PDE1C: variants seen among roughly 807,000 people sequenced by gnomAD.
PDE1C encodes the protein dual specificity calcium/calmodulin-dependent 3',5'-cyclic nucleotide phosphodiesterase 1C.
Under a neutral mutation model 93.1 loss-of-function variants are expected in PDE1C, and 62 were observed. That is an observed-to-expected ratio of 0.67 (90% CI 0.54 to 0.82). PDE1C has a LOEUF of 0.82. PDE1C is among the 40% of genes least tolerant of loss of function. The pLI is 0.00. For synonymous variants in PDE1C, 325 were observed against 310.1 expected, an observed-to-expected ratio of 1.05 and a Z score of -0.50; for missense variants, 742 against 884.6, an observed-to-expected ratio of 0.84 and a Z score of 2.04.
chr7:32,084,113 C>T (rs375977366), intron 3 of PDE1C, among the ~76,000 whole-genome samples: 1,671 of 152,128 alleles, frequency 0.011, 25 homozygotes, highest in African/African-American at 0.037. Flanking sequence ...ACCCATCTCA[C>T]GTGCAGAGAC....
chr7:32,133,909 A>G (rs1390584889), intron 3 of PDE1C, among the ~76,000 whole-genome samples: 5 of 152,054 alleles, frequency 3.3e-5, no homozygotes, highest in Admixed American at 3.3e-4. Flanking sequence ...ATGAAAAGAC[A>G]GGAAATTTCA....
intron 2 of PDE1C, among the ~76,000 whole-genome samples, chr7:31,898,242 T>C (rs1389167457): frequency 6.6e-6 from 1 of 152,160 alleles, no homozygotes; most frequent in African/African-American, 2.4e-5. Flanking sequence ...GAATCTATGG[T>C]TATTGTGGGA....
chr7:32,154,824 C>T (rs754451872), intron 3 of PDE1C, among the ~76,000 whole-genome samples: 8 of 152,214 alleles, frequency 5.3e-5, no homozygotes, highest in Non-Finnish European at 1.0e-4. Flanking sequence ...GAGAGGTCTT[C>T]GGAGGCAAAT....
intron 2 of PDE1C, among the ~76,000 whole-genome samples, chr7:31,886,845 G>GAATA (rs1562972565): frequency 9.9e-4 from 38 of 38,400 alleles, no homozygotes; most frequent in African/African-American, 3.2e-3. Flanking sequence ...AGATCTTTTC[G>GAATA]GATCTTTTCA....
intron 2 of PDE1C, among the ~76,000 whole-genome samples, chr7:32,020,283 G>T (rs982150801): frequency 1.3e-5 from 2 of 151,954 alleles, no homozygotes; most frequent in Non-Finnish European, 2.9e-5. Context: ...GACTTTCCTG[G>T]GCACTGGGAT....
intron 2 of PDE1C, among the ~76,000 whole-genome samples, chr7:31,904,952 A>G (rs1454977007): frequency 6.6e-6 from 1 of 152,124 alleles, no homozygotes; most frequent in African/African-American, 2.4e-5. Flanking sequence ...TAATTTTTAC[A>G]TTCTTTTATA....
At position 31,828,280 on chromosome 7, in the gene PDE1C, G is replaced by T; in HGVS notation, c.1285+12C>A. 1 of 1,607,722 alleles carries T rather than the reference G, an allele frequency of 6.2e-7. No homozygotes were observed. Among genetic ancestry groups the T allele is most frequent in the Non-Finnish European group, 8.5e-7 (1 of 1,174,818 alleles). On this transcript the variant is annotated intron_variant, in intron 12 of 17. Transcript: ENST00000396191. ...CTTTGGTGCTTCTATCCAAAGAGCT[G>T]CAAACACGTACCTACTTGTGACTGA... is the stretch of plus-strand genomic sequence containing the variant.
chr7:31,829,078 G>C (rs1371294799), intron 11 of PDE1C, among the ~76,000 whole-genome samples: 1 of 152,080 alleles, frequency 6.6e-6, no homozygotes, highest in Non-Finnish European at 1.5e-5. Flanking sequence ...CTTAATACTT[G>C]TCATACCCCC....
At chr7:31,866,778 G>A (rs768937382) in intron 6 of PDE1C, among the ~76,000 whole-genome samples, 128 of 152,102 alleles carry the variant, frequency 8.4e-4, no homozygotes, top group Admixed American at 2.6e-3. Context: ...TGGAATCCTG[G>A]AGAGGCTATC....
At chr7:31,648,450 G>T in the PDE1C span, among the ~76,000 whole-genome samples, 1 of 151,710 alleles carries the variant, frequency 6.6e-6, no homozygotes. Context: ...TTATTCTAGG[G>T]CTAAAATGTG....
At chr7:32,013,844 G>T (rs1456939103) in intron 2 of PDE1C, among the ~76,000 whole-genome samples, 2 of 152,210 alleles carry the variant, frequency 1.3e-5, no homozygotes, top group Non-Finnish European at 2.9e-5. Flanking sequence ...AATTAGATGG[G>T]AGGAAAGTCT....
the PDE1C span, among the ~76,000 whole-genome samples, chr7:31,663,663 A>G: frequency 6.6e-6 from 1 of 152,182 alleles, no homozygotes; most frequent in African/African-American, 2.4e-5. Flanking sequence ...AATTGTGCTT[A>G]GTGGAAAACA....
At chr7:32,298,395 C>A (rs1295551334) in intron 1 of PDE1C, among the ~76,000 whole-genome samples, 1 of 152,098 alleles carries the variant, frequency 6.6e-6, no homozygotes, top group East Asian at 1.9e-4. Flanking sequence ...CCGAGCAGTT[C>A]GGGGAGGTGT....
chr7:32,367,185 G>GAGTC (rs567329791), intron 1 of PDE1C, among the ~76,000 whole-genome samples: 3 of 152,238 alleles, frequency 2.0e-5, no homozygotes, highest in African/African-American at 7.2e-5. Flanking sequence ...ATGCTCAAGG[G>GAGTC]AGTCCTACAA....
intron 3 of PDE1C, among the ~76,000 whole-genome samples, chr7:32,139,193 T>C (rs1800374020): frequency 6.6e-6 from 1 of 151,708 alleles, no homozygotes; most frequent in Non-Finnish European, 1.5e-5. Flanking sequence ...TGGGGCACAA[T>C]GGCATGATCA....
intron 3 of PDE1C, among the ~76,000 whole-genome samples, chr7:32,148,101 T>A (rs1000787714): frequency 6.6e-6 from 1 of 151,842 alleles, no homozygotes; most frequent in African/African-American, 2.4e-5. Context: ...GTGGAATGAT[T>A]CTGTTCTCCC....
chr7:31,637,820 G>A, the PDE1C span, among the ~76,000 whole-genome samples: 6 of 152,204 alleles, frequency 3.9e-5, no homozygotes, highest in Non-Finnish European at 7.3e-5. Flanking sequence ...CCATGCCTAT[G>A]TCCTGAACAG....
chr7:31,699,927 C>A, the PDE1C span, among the ~76,000 whole-genome samples: 1 of 152,138 alleles, frequency 6.6e-6, no homozygotes, highest in Non-Finnish European at 1.5e-5. Flanking sequence ...TGTATGCGTT[C>A]TGTCTGTTCC....
the PDE1C span, chr7:31,652,893 A>C: frequency 1.9e-6 from 3 of 1,553,856 alleles, no homozygotes; most frequent in Non-Finnish European, 2.6e-6. Context: ...TAGCAAGGAA[A>C]TTTCAATTTT....
Sources: allele counts gnomAD v4.1 joint callset (sites outside exome capture counted in the v4.1 genomes callset), GRCh38; gene constraint gnomAD v4.1.1; transcripts MANE v1.5; gene names NCBI Gene and HGNC (gene_info 2026-07-23, HGNC 2026-07-21).